The following HTRA3 variants were observed in gnomAD, a reference collection of about 807,000 sequenced individuals.
HTRA3 encodes serine protease HTRA3.
In HTRA3, 41 loss-of-function variants were observed where a neutral mutation model predicts 43.2. The ratio of observed to expected loss-of-function variants is 0.95; its 90% CI spans 0.74 to 1.23. The LOEUF is 1.23. Among genes scored for constraint, HTRA3 ranks in the 50% most tolerant of loss-of-function variants. HTRA3 has a pLI of 0.00. For synonymous variants in HTRA3, 295 were observed against 287.9 expected (o/e 1.02, Z -0.25); for missense variants, 628 against 647.1 (o/e 0.97, Z 0.32).
At chr4:8,304,500 C>T (rs574093387) in intron 8 of HTRA3, among the ~76,000 whole-genome samples, 2 of 152,230 alleles carry the variant, frequency 1.3e-5, no homozygotes, top group South Asian at 2.1e-4. Flanking sequence ...TCATTTCCTT[C>T]GAGAAGCAGA....
intron 6 of HTRA3, among the ~76,000 whole-genome samples, chr4:8,294,581 C>T (rs1367135689): frequency 2.3e-5 from 2 of 87,084 alleles, no homozygotes; most frequent in Non-Finnish European, 4.6e-5. Context: ...TCCGTCCGTC[C>T]GTCCATCCAT....
chr4:8,301,331 G>T (rs1200302086), intron 6 of HTRA3, among the ~76,000 whole-genome samples: 1 of 146,960 alleles, frequency 6.8e-6, no homozygotes. Flanking sequence ...TTATTATTGA[G>T]TCACACTCTC....
At chr4:8,288,530 C>T (rs1477015675) in intron 3 of HTRA3, among the ~76,000 whole-genome samples, 6 of 150,000 alleles carry the variant, frequency 4.0e-5, no homozygotes, top group African/African-American at 1.5e-4. Context: ...CTGCCTTGGC[C>T]TCCCAAAGTA....
chr4:8,284,917 G>A (rs1468653699), intron 2 of HTRA3, among the ~76,000 whole-genome samples: 2 of 152,194 alleles, frequency 1.3e-5, no homozygotes, highest in Admixed American at 6.5e-5. Context: ...TAAAATGACA[G>A]AGATGTTTGC....
chr4:8,294,216 T>C lies in HTRA3; in HGVS notation c.1051+15T>C, dbSNP rs767280605. 34 of 1,575,866 alleles carry C rather than the reference T, an allele frequency of 2.2e-5. No individual in the cohort carries two copies. In the South Asian group the frequency reaches 3.7e-4, roughly 17 times the overall value. ...GCAGATCAAAGGTAAAGAGCTCACC[T>C]GGAGGGGGCCAGAGGCAGGGGGCAC... On this transcript the variant is annotated intron_variant, in intron 6 of 8. Coordinates refer to ENST00000307358, the MANE Select transcript of HTRA3 (RefSeq NM_053044.5).
Position 8,294,133 on chromosome 4 carries a change from T to C in HTRA3, c.983T>C (p.Ile328Thr), listed in dbSNP as rs751282465. Residue 328 changes from isoleucine to threonine, a missense_variant, in exon 6 of 9, where the codon ATC becomes ACC. Transcript: ENST00000307358. Reference sequence around the variant, plus strand: ...AACACGCTCAAGGTCACGGCTGGCATCTCCTTTGCCATCCCCTCAGACCGC... The same window carrying C: ...AACACGCTCAAGGTCACGGCTGGCACCTCCTTTGCCATCCCCTCAGACCGC... ...GINTLKVTAG[I>T]SFAIPSDRIT... 8.7e-6 allele frequency: 14 copies of C among 1,612,500 alleles called. No homozygotes were observed. Among genetic ancestry groups the C allele is most frequent in the African/African-American group, 1.3e-5 (1 of 74,760 alleles).
At chr4:8,285,334 C>G (rs1712913252) in intron 2 of HTRA3, among the ~76,000 whole-genome samples, 3 of 152,356 alleles carry the variant, frequency 2.0e-5, no homozygotes, top group African/African-American at 4.8e-5. Flanking sequence ...GCCTGCCTGC[C>G]TCAGAGGGAG....
At position 8,295,452 on chromosome 4, in the gene HTRA3, C is replaced by T. The variant is rs1713421994; in HGVS notation, c.1051+1251C>T. Among the ~76,000 whole-genome samples, 1 of 152,206 alleles carries T rather than the reference C, an allele frequency of 6.6e-6. No individual in the cohort carries two copies. Among genetic ancestry groups the T allele is most frequent in the Non-Finnish European group, 1.5e-5 (1 of 68,038 alleles). ...GGAGAGGCCTCGCCAGGGCACTAGG[C>T]AACTCTCCCAAGTGAGAGCATGCCC... On this transcript the variant is annotated intron_variant, in intron 6 of 8. Coordinates refer to ENST00000307358, the MANE Select transcript of HTRA3 (RefSeq NM_053044.5). This position sits in a 1 kb window ranked among gnomAD's most constrained non-coding sequence, Gnocchi z 6.9.
At chr4:8,298,866 C>T (rs115313465) in intron 6 of HTRA3, among the ~76,000 whole-genome samples, 1,762 of 152,272 alleles carry the variant, frequency 0.012, 28 homozygotes, top group African/African-American at 0.041. Context: ...CTGCACTGGC[C>T]CGATTACTGT....
intron 7 of HTRA3, 89 bp downstream of exon 7, chr4:8,302,600 G>T (rs907711882): frequency 4.4e-6 from 6 of 1,362,248 alleles, no homozygotes; most frequent in Middle Eastern, 1.8e-4. Context: ...GGCTGTGTTC[G>T]GCTCCTTGCA....
intron 2 of HTRA3, among the ~76,000 whole-genome samples, chr4:8,285,855 T>G (rs1181436969): frequency 2.0e-5 from 3 of 152,238 alleles, no homozygotes; most frequent in Non-Finnish European, 4.4e-5. Flanking sequence ...ATCTGCCTGC[T>G]GCCAGCACTG....
At chr4:8,283,915 C>T (rs551362769) in intron 2 of HTRA3, among the ~76,000 whole-genome samples, 18 of 152,294 alleles carry the variant, frequency 1.2e-4, no homozygotes, top group African/African-American at 3.1e-4. Flanking sequence ...CTGGCTGGCT[C>T]GGCGCTTGTC....
Position 8,296,259 on chromosome 4 carries a change from G to A in HTRA3, c.1051+2058G>A. 1.0e-6 allele frequency: 1 copy of A among 985,612 alleles called. No homozygotes were observed. The highest frequency in any genetic ancestry group is 1.2e-6 in the Non-Finnish European group (1 of 830,098). The allele number at this position is 985,612 out of a possible 1,614,324, so 61.1% of individuals were successfully genotyped here. ...CTAGGTTTGCTCCTTTGTTGTACAG[G>A]GGCTGTCCCAGTTAGTGCTGACCTC... On this transcript the variant is annotated intron_variant, in intron 6 of 8. Coordinates refer to ENST00000307358, the MANE Select transcript of HTRA3 (RefSeq NM_053044.5). This position sits in a 1 kb window ranked among gnomAD's most constrained non-coding sequence, Gnocchi z 5.3.
rs983914539 is a variant in HTRA3, at chr4:8,297,036, A to G, written c.1051+2835A>G. 1.1e-4 allele frequency among the ~76,000 whole-genome samples: 16 copies of G among 152,020 alleles called. No homozygotes were observed. Among genetic ancestry groups the G allele is most frequent in the African/African-American group, 3.9e-4 (16 of 41,370 alleles). On this transcript the variant is annotated intron_variant, in intron 6 of 8. Transcript: ENST00000307358. The surrounding 1 kb of genome is among the most constrained non-coding windows in gnomAD (Gnocchi z 5.8). ...AGAGTTCACAGGGTTCCCCAGCCTC[A>G]GAGGTCACAGGGTCCCTTGGTCTCA... is the stretch of plus-strand genomic sequence containing the variant.
intron 8 of HTRA3, among the ~76,000 whole-genome samples, chr4:8,304,755 A>C (rs1713779616): frequency 2.1e-5 from 3 of 145,992 alleles, no homozygotes; most frequent in African/African-American, 7.7e-5. Flanking sequence ...TCCTGGGCTC[A>C]AGCGACTCTC....
At chr4:8,293,686 C>T (rs1366900363) in intron 5 of HTRA3, among the ~76,000 whole-genome samples, 2 of 152,082 alleles carry the variant, frequency 1.3e-5, no homozygotes, top group African/African-American at 2.4e-5. Flanking sequence ...CTGCCAGCCC[C>T]CCACTTCTGG....
rs1203720393 is a variant in HTRA3, at chr4:8,295,876, A to G, written c.1051+1675A>G. On this transcript the variant is annotated intron_variant, in intron 6 of 8. Transcript: ENST00000307358. The surrounding 1 kb of genome is among the most constrained non-coding windows in gnomAD (Gnocchi z 6.9). ...TCTTCTGTGTCCATTATGGGAAGAC[A>G]ATCTGGAGCCAGGCAGAGCCTGTCT... is the stretch of plus-strand genomic sequence containing the variant. 8.1e-7 allele frequency: 1 copy of G among 1,234,520 alleles called. No homozygotes were observed. Among genetic ancestry groups the G allele is most frequent in the African/African-American group, 1.6e-5 (1 of 64,480 alleles). The allele number at this position is 1,234,520 out of a possible 1,614,324, so 76.5% of individuals were successfully genotyped here.
intron 6 of HTRA3, 83 bp downstream of exon 6, chr4:8,294,284 A>G: frequency 3.0e-6 from 3 of 1,001,448 alleles, no homozygotes; most frequent in Non-Finnish European, 3.0e-6. Context: ...CCCTGGGACC[A>G]AGGCCCACCG....
At chr4:8,301,249 TCA>T (rs1713643969) in intron 6 of HTRA3, among the ~76,000 whole-genome samples, 1 of 76,314 alleles carries the variant, frequency 1.3e-5, no homozygotes, top group Non-Finnish European at 2.7e-5. Context: ...TGATTCACAC[TCA>T]GCTTTATTGA....
Sources: gnomAD v4.1 joint callset for allele counts (sites outside exome capture counted in the v4.1 genomes callset) on GRCh38, gnomAD v4.1.1 for gene constraint, Gnocchi (gnomAD v3.1) non-coding constraint, MANE v1.5 for transcripts, NCBI Gene and HGNC (gene_info 2026-07-23, HGNC 2026-07-21) for gene names.